MDGA2: variants seen among roughly 807,000 people sequenced by gnomAD.
MDGA2 encodes MAM domain-containing glycosylphosphatidylinositol anchor protein 2.
A neutral mutation model predicts 117.8 loss-of-function variants in MDGA2; 40 were observed. That is an observed-to-expected ratio of 0.34 (90% CI 0.26 to 0.44). The LOEUF is 0.44. Ranked by LOEUF, MDGA2 falls within the 20% of genes least tolerant of loss-of-function variation. The pLI, the probability that MDGA2 is intolerant of heterozygous loss-of-function variation, is 1.00. For synonymous variants in MDGA2, 452 were observed against 439.0 expected, an observed-to-expected ratio of 1.03 and a Z score of -0.37; for missense variants, 1,123 against 1,250.6, an observed-to-expected ratio of 0.90 and a Z score of 1.54.
At chr14:47,590,961 C>G (rs1896425799) in intron 1 of MDGA2, among the ~76,000 whole-genome samples, 1 of 151,806 alleles carries the variant, frequency 6.6e-6, no homozygotes, top group Non-Finnish European at 1.5e-5. Flanking sequence ...AATTTGATGA[C>G]TAATCAACAA....
intron 15 of MDGA2, among the ~76,000 whole-genome samples, chr14:46,853,568 A>G (rs1449829089): frequency 6.6e-6 from 1 of 151,838 alleles, no homozygotes; most frequent in Non-Finnish European, 1.5e-5. Flanking sequence ...CCACAGATTT[A>G]TTCCTGGAAA....
intron 3 of MDGA2, among the ~76,000 whole-genome samples, chr14:47,176,537 A>G (rs1305027440): frequency 6.6e-6 from 1 of 152,224 alleles, no homozygotes; most frequent in African/African-American, 2.4e-5. Flanking sequence ...CCTGAGAAAA[A>G]CAAGCAATGG....
chr14:47,031,627 T>G (rs1566583253), intron 8 of MDGA2, among the ~76,000 whole-genome samples: 2 of 152,152 alleles, frequency 1.3e-5, no homozygotes, highest in African/African-American at 4.8e-5. Context: ...CCAAATGTCA[T>G]ATTGAAATGT....
intron 2 of MDGA2, among the ~76,000 whole-genome samples, chr14:47,250,360 T>C (rs1887404635): frequency 6.6e-6 from 1 of 152,238 alleles, no homozygotes; most frequent in South Asian, 2.1e-4. Flanking sequence ...AGTTTTATTA[T>C]TTATTTGTTT....
chr14:47,177,926 C>A (rs113812619), intron 3 of MDGA2, among the ~76,000 whole-genome samples: 2 of 151,834 alleles, frequency 1.3e-5, no homozygotes, highest in Non-Finnish European at 2.9e-5. Context: ...TGTTGAGGAA[C>A]AAAGGTTAAT....
At chr14:46,978,382 T>G (rs1037141673) in intron 8 of MDGA2, among the ~76,000 whole-genome samples, 1 of 152,118 alleles carries the variant, frequency 6.6e-6, no homozygotes, top group South Asian at 2.1e-4. Flanking sequence ...ATGCTAATAT[T>G]GAAGTGCTGA....
chr14:47,201,995 G>A (rs114667637), intron 3 of MDGA2, among the ~76,000 whole-genome samples: 207 of 152,238 alleles, frequency 1.4e-3, no homozygotes, highest in African/African-American at 4.5e-3. Context: ...AGTATTAATA[G>A]TGATATAATT....
intron 1 of MDGA2, among the ~76,000 whole-genome samples, chr14:47,348,502 G>C (rs1235640416): frequency 6.6e-6 from 1 of 152,062 alleles, no homozygotes; most frequent in East Asian, 1.9e-4. Context: ...ATGAGCTACC[G>C]CATCAGGCCC....
intron 8 of MDGA2, among the ~76,000 whole-genome samples, chr14:47,005,011 C>T (rs750080448): frequency 1.3e-5 from 2 of 151,438 alleles, no homozygotes; most frequent in Non-Finnish European, 1.5e-5. Flanking sequence ...TTTGTAGATT[C>T]CATTGTATTA....
At chr14:47,505,583 T>A (rs191365729) in intron 1 of MDGA2, among the ~76,000 whole-genome samples, 8 of 152,290 alleles carry the variant, frequency 5.3e-5, no homozygotes, top group Non-Finnish European at 8.8e-5. Context: ...ATTGATCAAG[T>A]TTTTAATAAT....
chr14:47,563,666 G>A lies in MDGA2; in HGVS notation c.280+110851C>T, dbSNP rs954604459. Among the ~76,000 whole-genome samples the A allele has an allele frequency of 1.0e-4, 14 of 133,548 alleles. No homozygotes were observed. The East Asian group carries it at 1.1e-3, about 11-fold the overall frequency. 87.6% of individuals were successfully genotyped at this position (133,548 alleles called of 152,430 possible). On this transcript the variant is annotated intron_variant, in intron 1 of 16. Coordinates refer to ENST00000399232, the MANE Select transcript of MDGA2 (RefSeq NM_001113498.3). The stretch of plus-strand genomic sequence containing the variant: ...CTTTGAGCCTATGATGTCACCACAC[G>A]TGAGATGGGTCTCACATACCACTGA...
intron 1 of MDGA2, among the ~76,000 whole-genome samples, chr14:47,429,958 A>T (rs140848337): frequency 1.2e-3 from 184 of 148,506 alleles, no homozygotes; most frequent in African/African-American, 4.5e-3. Flanking sequence ...GATGATAACG[A>T]GAACAGCATT....
chr14:46,971,169 A>T (rs1463689224), intron 8 of MDGA2, among the ~76,000 whole-genome samples: 2 of 152,138 alleles, frequency 1.3e-5, no homozygotes, highest in Admixed American at 6.6e-5. Flanking sequence ...TACTCAAAAA[A>T]AATAAAAATA....
At position 46,841,963 on chromosome 14, in the gene MDGA2, C is replaced by T. The variant is rs370574542; in HGVS notation, c.3046G>A (p.Val1016Ile). The T allele has an allele frequency of 1.5e-5, 24 of 1,611,640 alleles. No individual in the cohort carries two copies. Among genetic ancestry groups the T allele is most frequent in the South Asian group, 6.6e-5 (6 of 90,926 alleles). Residue 1016 changes from valine to isoleucine, a missense_variant, in exon 17 of 17, where the codon GTC becomes ATC. Val to Ile is a conservative substitution (Grantham distance 29, BLOSUM62 3). Coordinates refer to ENST00000399232, the MANE Select transcript of MDGA2 (RefSeq NM_001113498.3). The part of the protein sequence containing the change: ...LVHIWLFPII[V>I]LISILSPRR ...CGAGGACTTAAGATAGAGATGAGGA[C>T]GATAATGGGAAAAAGCCATATATGA... is the stretch of plus-strand genomic sequence containing the variant.
intron 1 of MDGA2, among the ~76,000 whole-genome samples, chr14:47,482,331 A>G (rs1893970800): frequency 6.6e-6 from 1 of 152,082 alleles, no homozygotes; most frequent in Admixed American, 6.6e-5. Flanking sequence ...AGGGCCATTC[A>G]AAAAGCAGCA....
chr14:47,007,492 T>C (rs778152796), intron 8 of MDGA2, among the ~76,000 whole-genome samples: 4 of 151,724 alleles, frequency 2.6e-5, no homozygotes, highest in Non-Finnish European at 5.9e-5. Context: ...AAAGGCTATT[T>C]TAGTATACAT....
intron 1 of MDGA2, among the ~76,000 whole-genome samples, chr14:47,443,658 A>AAGTTCAT (rs1447950241): frequency 4.6e-5 from 7 of 152,162 alleles, no homozygotes; most frequent in African/African-American, 1.4e-4. Flanking sequence ...CTAATTGTCC[A>AAGTTCAT]AGTTCATCCT....
chr14:47,263,748 T>C (rs1246978430), intron 2 of MDGA2, among the ~76,000 whole-genome samples: 5 of 152,190 alleles, frequency 3.3e-5, no homozygotes, highest in Non-Finnish European at 7.3e-5. Flanking sequence ...TGACAAATAT[T>C]CACTTATAAG....
At chr14:47,135,310 TG>T (rs1374814311) in intron 4 of MDGA2, among the ~76,000 whole-genome samples, 1 of 152,128 alleles carries the variant, frequency 6.6e-6, no homozygotes, top group Non-Finnish European at 1.5e-5. Context: ...ATATTCCTAG[TG>T]AAATCTGATC....
Sources: allele counts gnomAD v4.1 joint callset (sites outside exome capture counted in the v4.1 genomes callset), GRCh38; gene constraint gnomAD v4.1.1; transcripts MANE v1.5; gene names NCBI Gene and HGNC (gene_info 2026-07-23, HGNC 2026-07-21).